The following CDKAL1 variants were observed in gnomAD, a reference collection of about 807,000 sequenced individuals.
The protein encoded by CDKAL1 is threonylcarbamoyladenosine tRNA methylthiotransferase.
A neutral mutation model predicts 68.2 loss-of-function variants in CDKAL1; 32 were observed. That is an observed-to-expected ratio of 0.47 (90% CI 0.35 to 0.63). The LOEUF (loss-of-function observed/expected upper bound fraction) is 0.63. Among genes scored for constraint, CDKAL1 ranks in the 30% least tolerant of loss-of-function variants. The pLI, the probability that CDKAL1 is intolerant of heterozygous loss-of-function variation, is 0.00. For missense variants in CDKAL1, 606 were observed against 696.7 expected (o/e 0.87, Z 1.47); for synonymous variants, 234 against 244.3 (o/e 0.96, Z 0.39).
intron 10 of CDKAL1, 29 bp downstream of exon 10, chr6:20,955,614 A>C (rs1273057859): frequency 1.2e-6 from 2 of 1,606,838 alleles, no homozygotes; most frequent in Non-Finnish European, 1.7e-6. Flanking sequence ...TTTGCATGCT[A>C]ACATAGACAC....
intron 9 of CDKAL1, among the ~76,000 whole-genome samples, chr6:20,918,079 C>G (rs1018945957): frequency 6.6e-6 from 1 of 152,178 alleles, no homozygotes; most frequent in Non-Finnish European, 1.5e-5. Context: ...CCACTGCACT[C>G]CAGCCAGGGC....
At chr6:20,596,854 C>T (rs1305469387) in intron 4 of CDKAL1, among the ~76,000 whole-genome samples, 1 of 152,164 alleles carries the variant, frequency 6.6e-6, no homozygotes, top group Non-Finnish European at 1.5e-5. Flanking sequence ...TGCACTGTTC[C>T]TCTAGGCACA....
chr6:20,761,987 T>A lies in CDKAL1; in HGVS notation c.517+3344T>A, dbSNP rs114006147. 2.2e-3 allele frequency among the ~76,000 whole-genome samples: 336 copies of A among 152,262 alleles called. 1 individual carries two copies. The highest frequency in any genetic ancestry group is 0.01 in the Middle Eastern group (3 of 294). ...AAACGTACCACTCTGTTGTAGGATA[T>A]TGATAGTTGGAGAGGCTGTGTGTGA... On this transcript the variant is annotated intron_variant, in intron 7 of 15. Transcript: ENST00000274695.
chr6:20,588,659 A>G (rs1765472512), intron 4 of CDKAL1, among the ~76,000 whole-genome samples: 1 of 152,164 alleles, frequency 6.6e-6, no homozygotes, highest in Admixed American at 6.5e-5. Context: ...TATCCTTGGC[A>G]GTCTTTCAAA....
chr6:20,947,001 T>C (rs1764271050), intron 9 of CDKAL1, among the ~76,000 whole-genome samples: 1 of 152,228 alleles, frequency 6.6e-6, no homozygotes, highest in Non-Finnish European at 1.5e-5. Flanking sequence ...TTCACTTGAA[T>C]AGATTTCACG....
chr6:21,091,853 C>G (rs1037049162), intron 12 of CDKAL1, among the ~76,000 whole-genome samples: 1 of 113,962 alleles, frequency 8.8e-6, no homozygotes, highest in Admixed American at 9.2e-5. Flanking sequence ...AGGCTCAGAA[C>G]TTTCTTTTTT....
intron 14 of CDKAL1, among the ~76,000 whole-genome samples, chr6:21,198,324 A>G (rs1173479380): frequency 6.6e-6 from 1 of 152,230 alleles, no homozygotes; most frequent in Non-Finnish European, 1.5e-5. Context: ...TTTAGTTCAC[A>G]TTAATCTTTG....
intron 4 of CDKAL1, among the ~76,000 whole-genome samples, chr6:20,569,018 A>G (rs983283737): frequency 2.0e-5 from 3 of 152,174 alleles, no homozygotes; most frequent in African/African-American, 7.2e-5. Context: ...TTGGCTTATA[A>G]TAAGCCTCAG....
intron 6 of CDKAL1, among the ~76,000 whole-genome samples, chr6:20,741,801 T>G (rs970158509): frequency 2.6e-5 from 4 of 152,138 alleles, no homozygotes; most frequent in African/African-American, 9.7e-5. Flanking sequence ...GGTAGAATGA[T>G]TTATATTTCT....
chr6:20,949,295 G>C (rs907130569), intron 9 of CDKAL1, among the ~76,000 whole-genome samples: 2 of 152,172 alleles, frequency 1.3e-5, no homozygotes, highest in African/African-American at 4.8e-5. Context: ...GAAGTTAAGA[G>C]ACTATGCAAG....
chr6:20,765,180 G>A lies in CDKAL1; in HGVS notation c.517+6537G>A, dbSNP rs1161264449. Among the ~76,000 whole-genome samples, 7 of 22,284 alleles carry A rather than the reference G, an allele frequency of 3.1e-4. 1 individual carries two copies. Among genetic ancestry groups the A allele is most frequent in the Middle Eastern group, 0.056 (2 of 36 alleles). 14.6% of individuals were successfully genotyped at this position (22,284 alleles called of 152,430 possible). ...TTTTTTTTTTTTTTTTTTTTGAGAC[G>A]GAGTCTCGCTCTGTCGCCCAGGCTG... On this transcript the variant is annotated intron_variant, in intron 7 of 15. Transcript: ENST00000274695.
chr6:21,120,939 T>A (rs189364867), intron 13 of CDKAL1, among the ~76,000 whole-genome samples: 20 of 152,328 alleles, frequency 1.3e-4, no homozygotes, highest in Admixed American at 1.2e-3. Context: ...TGTCATCTTA[T>A]CAATGTATAA....
chr6:21,210,339 G>A (rs1298992582), intron 15 of CDKAL1, among the ~76,000 whole-genome samples: 1 of 152,150 alleles, frequency 6.6e-6, no homozygotes, highest in Non-Finnish European at 1.5e-5. Context: ...CCTTTGGGAG[G>A]TGGTTAGGTC....
chr6:20,589,643 G>A (rs966071260), intron 4 of CDKAL1, among the ~76,000 whole-genome samples: 5 of 152,072 alleles, frequency 3.3e-5, no homozygotes, highest in African/African-American at 1.2e-4. Flanking sequence ...TCACATCAGT[G>A]GGATTGAATT....
At chr6:20,942,848 G>A (rs1040981730) in intron 9 of CDKAL1, among the ~76,000 whole-genome samples, 3 of 149,532 alleles carry the variant, frequency 2.0e-5, no homozygotes, top group Non-Finnish European at 3.0e-5. Context: ...CCAGCTACTT[G>A]GGAGGCTGAG....
At chr6:21,075,144 A>G (rs1772000797) in intron 12 of CDKAL1, among the ~76,000 whole-genome samples, 1 of 128,132 alleles carries the variant, frequency 7.8e-6, no homozygotes, top group African/African-American at 3.0e-5. Context: ...GCTTTCAAAT[A>G]ATATCTTTTT....
chr6:20,549,493 T>C (rs907630749), intron 4 of CDKAL1, among the ~76,000 whole-genome samples: 1 of 152,180 alleles, frequency 6.6e-6, no homozygotes, highest in South Asian at 2.1e-4. Flanking sequence ...TTAATTTTAG[T>C]ATCTACTGGT....
chr6:20,606,029 A>G (rs1305819132), intron 4 of CDKAL1, among the ~76,000 whole-genome samples: 2 of 152,158 alleles, frequency 1.3e-5, no homozygotes, highest in African/African-American at 4.8e-5. Flanking sequence ...AAGTCTGGAA[A>G]CTGACAAAGC....
intron 4 of CDKAL1, among the ~76,000 whole-genome samples, chr6:20,561,261 G>A (rs1764253512): frequency 6.6e-6 from 1 of 151,778 alleles, no homozygotes; most frequent in South Asian, 2.1e-4. Flanking sequence ...GGCCAACATG[G>A]CGAAACCCCA....
Sources: gnomAD v4.1 joint callset for allele counts (sites outside exome capture counted in the v4.1 genomes callset) on GRCh38, gnomAD v4.1.1 for gene constraint, MANE v1.5 for transcripts, NCBI Gene and HGNC (gene_info 2026-07-23, HGNC 2026-07-21) for gene names.